The following VPS13A variants were observed in gnomAD, a reference collection of about 807,000 sequenced individuals.
The protein encoded by VPS13A is intermembrane lipid transfer protein VPS13A.
VPS13A carries 264 observed loss-of-function variants against 390.9 expected under a neutral mutation model. That is an observed-to-expected ratio of 0.68 (90% CI 0.61 to 0.75). VPS13A has a LOEUF of 0.75. Among genes scored for constraint, VPS13A ranks in the 30% least tolerant of loss-of-function variants. The pLI is 0.00. For synonymous variants in VPS13A, 1,231 were observed against 1,227.1 expected (o/e 1.00, Z -0.07); for missense variants, 3,409 against 3,733.9 (o/e 0.91, Z 2.27).
chr9:77,179,385 C>A (rs1265512434), intron 1 of VPS13A, among the ~76,000 whole-genome samples: 1 of 152,154 alleles, frequency 6.6e-6, no homozygotes, highest in Non-Finnish European at 1.5e-5. Flanking sequence ...GATCTCACCC[C>A]GCCACCACGC....
chr9:77,329,744 T>C (rs573253448), intron 45 of VPS13A, among the ~76,000 whole-genome samples: 1 of 152,302 alleles, frequency 6.6e-6, no homozygotes, highest in Non-Finnish European at 1.5e-5. Flanking sequence ...ATGAAATATC[T>C]GCAATTCACA....
chr9:77,224,834 C>T (rs1243218865), intron 13 of VPS13A, among the ~76,000 whole-genome samples: 1 of 152,162 alleles, frequency 6.6e-6, no homozygotes. Flanking sequence ...TTGTACGCTA[C>T]AGATAAATCA....
At chr9:77,370,853 AAAG>A in intron 65 of VPS13A, 34 bp from the exon 66 acceptor site, 2 of 1,611,968 alleles carry the variant, frequency 1.2e-6, no homozygotes, top group Non-Finnish European at 8.5e-7. Flanking sequence ...GCATCATAAA[AAAG>A]TATTGTAAAT....
intron 22 of VPS13A, among the ~76,000 whole-genome samples, chr9:77,258,557 G>A (rs1388583184): frequency 6.6e-6 from 1 of 152,064 alleles, no homozygotes; most frequent in African/African-American, 2.4e-5. Flanking sequence ...GAGTCTTGAG[G>A]CAGAGGAATG....
intron 34 of VPS13A, among the ~76,000 whole-genome samples, chr9:77,304,429 T>A (rs1337242227): frequency 3.3e-5 from 5 of 152,220 alleles, no homozygotes; most frequent in Non-Finnish European, 7.3e-5. Flanking sequence ...AGTAACAGTC[T>A]GATCTCTCTT....
Position 77,233,644 on chromosome 9 carries a change from G to GT in VPS13A, c.1596-4348dup, listed in dbSNP as rs746598457. ...AACGTATTTTCTGATTTCTCTTGTGGTTTTTTTTTTAACCTGTTGCTTGTT... is the reference window on the plus strand; with the variant it reads ...AACGTATTTTCTGATTTCTCTTGTGGTTTTTTTTTTTAACCTGTTGCTTGTT... On this transcript the variant is annotated intron_variant, in intron 17 of 71. Coordinates refer to ENST00000360280, the MANE Select transcript of VPS13A (RefSeq NM_033305.3). 9.2e-4 allele frequency among the ~76,000 whole-genome samples: 136 copies of GT among 147,660 alleles called. No homozygotes were observed. In the East Asian group the frequency reaches 0.016, roughly 17 times the overall value.
chr9:77,210,162 TC>T (rs1825889221), intron 6 of VPS13A, among the ~76,000 whole-genome samples: 1 of 71,156 alleles, frequency 1.4e-5, no homozygotes, highest in African/African-American at 5.7e-5. Flanking sequence ...CCCACCTCCC[TC>T]TCTCTCTCTC....
intron 23 of VPS13A, among the ~76,000 whole-genome samples, chr9:77,269,370 C>T (rs1826225322): frequency 6.6e-6 from 1 of 152,192 alleles, no homozygotes; most frequent in South Asian, 2.1e-4. Context: ...CTATTTCAGA[C>T]TCTTCCAGTG....
At chr9:77,398,418 G>A (rs1054872694) in intron 68 of VPS13A, among the ~76,000 whole-genome samples, 1 of 152,150 alleles carries the variant, frequency 6.6e-6, no homozygotes, top group African/African-American at 2.4e-5. Flanking sequence ...TGAAAATTTA[G>A]ATTTAGAAGA....
At chr9:77,389,100 C>T (rs1833804931) in intron 68 of VPS13A, among the ~76,000 whole-genome samples, 1 of 152,112 alleles carries the variant, frequency 6.6e-6, no homozygotes, top group African/African-American at 2.4e-5. Flanking sequence ...TATCCTGTCT[C>T]CCCACCATTT....
At chr9:77,410,190 A>T (rs538367494) in intron 71 of VPS13A, among the ~76,000 whole-genome samples, 87 of 152,298 alleles carry the variant, frequency 5.7e-4, no homozygotes, top group African/African-American at 1.9e-3. Flanking sequence ...ATATCCAGCC[A>T]AACTAAGCTC....
chr9:77,407,532 G>T lies in VPS13A; in HGVS notation c.9400-1G>T. 6.2e-7 allele frequency: 1 copy of T among 1,610,712 alleles called. No homozygotes were observed. The highest frequency in any genetic ancestry group is 8.5e-7 in the Non-Finnish European group (1 of 1,177,358). ...AATGAATTTACATATTCTGTTTATAGGAACGAGTGAAGTCTGTATTTCATG... is the reference window on the plus strand; with the variant it reads ...AATGAATTTACATATTCTGTTTATATGAACGAGTGAAGTCTGTATTTCATG... On this transcript the variant is annotated splice_acceptor_variant, in intron 70 of 71. Transcript: ENST00000360280. LOFTEE classifies it high-confidence loss of function.
At chr9:77,347,048 TA>T (rs1169606651) in intron 52 of VPS13A, among the ~76,000 whole-genome samples, 5 of 152,364 alleles carry the variant, frequency 3.3e-5, no homozygotes, top group Middle Eastern at 3.4e-3. Flanking sequence ...TCTGCATGCC[TA>T]TTTTTATACC....
In VPS13A at chr9:77,247,362, A is replaced by C; in HGVS notation, c.2004A>C (p.Ser668=). ...AAGATGGAATTTTTAGTCCTACATC[A>C]AATCTGCTTCTTTTGGACCTTGGTC... ...VPQDGIFSPT[S]NLLLLDLGHL... is the part of the protein sequence containing the mutation. Residue 668 remains serine (S), a synonymous_variant, in exon 20 of 72, where the codon TCA becomes TCC. Transcript: ENST00000360280. 6.2e-7 allele frequency: 1 copy of C among 1,612,614 alleles called. No homozygotes were observed. The highest frequency in any genetic ancestry group is 8.5e-7 in the Non-Finnish European group (1 of 1,179,324).
chr9:77,238,049 A>T lies in VPS13A; in HGVS notation c.1643A>T (p.Asn548Ile). The T allele has an allele frequency of 6.2e-7, 1 of 1,613,464 alleles. No individual in the cohort carries two copies. The highest frequency in any genetic ancestry group is 8.5e-7 in the Non-Finnish European group (1 of 1,179,624). ...DSFHITGLPD[N>I]SEKPRLLSSL... ...TTTCATATTACTGGCTTACCAGATA[A>T]TTCAGAAAAACCCCGCCTCCTGTCT... The change falls in exon 18 of 72, where the codon AAT becomes ATT. Residue 548 changes from asparagine (N) to isoleucine (I), a missense_variant. Asn to Ile is a moderately radical substitution (Grantham distance 149, BLOSUM62 -3). This residue lies in a region of VPS13A where 2,717 missense variants were observed against 2,917.4 expected (regional missense o/e 0.93). Transcript: ENST00000360280.
chr9:77,178,340 C>G (rs1298735128), intron 1 of VPS13A, among the ~76,000 whole-genome samples: 1 of 152,168 alleles, frequency 6.6e-6, no homozygotes, highest in Non-Finnish European at 1.5e-5. Context: ...CTGGCTTCAC[C>G]CGTGGTGCTT....
intron 31 of VPS13A, among the ~76,000 whole-genome samples, chr9:77,285,780 A>G (rs773501048): frequency 2.8e-5 from 4 of 140,654 alleles, no homozygotes; most frequent in Non-Finnish European, 6.4e-5. Flanking sequence ...TTTATTTTCC[A>G]TATGGCATTC....
chr9:77,183,890 A>G (rs556253820), intron 1 of VPS13A, among the ~76,000 whole-genome samples: 1 of 152,366 alleles, frequency 6.6e-6, no homozygotes, highest in South Asian at 2.1e-4. Flanking sequence ...ATGGAATACC[A>G]TTAATATTTA....
intron 68 of VPS13A, among the ~76,000 whole-genome samples, chr9:77,383,965 G>A (rs867184060): frequency 7.9e-6 from 1 of 126,540 alleles, no homozygotes; most frequent in Non-Finnish European, 1.7e-5. Flanking sequence ...GGTGGGTTTT[G>A]TTTTTTTTTT....
Sources: allele counts gnomAD v4.1 joint callset (sites outside exome capture counted in the v4.1 genomes callset), GRCh38; gene constraint gnomAD v4.1.1; regional missense constraint gnomAD v4.1.1; transcripts MANE v1.5; gene names NCBI Gene and HGNC (gene_info 2026-07-23, HGNC 2026-07-21).